The following FANCA variants were observed in gnomAD, a reference collection of about 807,000 sequenced individuals.
FANCA encodes Fanconi anemia group A protein.
FANCA carries 236 observed loss-of-function variants against 194.3 expected under a neutral mutation model. That is an observed-to-expected ratio of 1.21 (90% confidence interval 1.09 to 1.35). FANCA has a LOEUF of 1.35. Ranked by LOEUF, FANCA falls within the 40% of genes most tolerant of loss-of-function variation. The pLI is 0.00. For missense variants in FANCA, 2,628 were observed against 1,813.9 expected, an observed-to-expected ratio of 1.45 and a Z score of -8.15; for synonymous variants, 1,014 against 715.8, an observed-to-expected ratio of 1.42 and a Z score of -6.65.
At chr16:89,740,767 T>A (rs1241081077) in intron 38 of FANCA, 37 bp downstream of exon 38, 1 of 1,596,682 alleles carries the variant, frequency 6.3e-7, no homozygotes, top group Non-Finnish European at 8.6e-7. Flanking sequence ...TGGCCCACAG[T>A]GGGAGAGGAC....
chr16:89,739,568 A>G lies in FANCA; in HGVS notation c.3935-15T>C, dbSNP rs1284470221. ...CAGCCTGAGGTCTGCAACACCAAGA[A>G]GTGGCTCAGGCAACTCTGGACATCT... On this transcript the variant is annotated splice_polypyrimidine_tract_variant and intron_variant, in intron 39 of 42. Coordinates refer to ENST00000389301, the MANE Select transcript of FANCA (RefSeq NM_000135.4). The G allele has an allele frequency of 7.7e-6, 12 of 1,550,786 alleles. No individual in the cohort carries two copies. The East Asian group carries it at 2.2e-4, about 28-fold the overall frequency.
chr16:89,778,463 C>CT, intron 20 of FANCA: 1 of 240,954 alleles, frequency 4.2e-6, no homozygotes, highest in Non-Finnish European at 7.1e-6. Flanking sequence ...GAGACTCCAT[C>CT]TAAAAAAAAA....
In FANCA at chr16:89,782,855, T is replaced by A; in HGVS notation, c.1626+4A>T. ...GAGACCCTGCAGGGCTCAAGCAACA[T>A]TACCTCAGTAATGTCCCCAGCTGAT... On this transcript the variant is annotated splice_donor_region_variant and intron_variant, in intron 17 of 42. Coordinates refer to ENST00000389301, the MANE Select transcript of FANCA (RefSeq NM_000135.4). 1 of 1,613,624 alleles carries A rather than the reference T, an allele frequency of 6.2e-7. No homozygotes were observed. The highest frequency in any genetic ancestry group is 8.5e-7 in the Non-Finnish European group (1 of 1,179,512).
chr16:89,763,471 C>T (rs1294229673), intron 28 of FANCA, among the ~76,000 whole-genome samples: 2 of 151,858 alleles, frequency 1.3e-5, no homozygotes, highest in African/African-American at 4.8e-5. Context: ...CCACTGTGCC[C>T]AGCCACCTTG....
rs757531036 is a variant in FANCA, at chr16:89,811,085, C to A, written c.284-14G>T. 60 of 1,613,888 alleles carry A rather than the reference C, an allele frequency of 3.7e-5. No individual in the cohort carries two copies. The highest frequency in any genetic ancestry group is 5.0e-5 in the Non-Finnish European group (59 of 1,180,014). ...GCAAAGCAGAGCCTTAAACACAAAA[C>A]AAAACCATAGCTTTCTCTTAACACA... On this transcript the variant is annotated splice_polypyrimidine_tract_variant and intron_variant, in intron 3 of 42. Coordinates refer to ENST00000389301, the MANE Select transcript of FANCA (RefSeq NM_000135.4).
intron 6 of FANCA, among the ~76,000 whole-genome samples, chr16:89,807,840 G>A (rs961403251): frequency 1.7e-4 from 25 of 151,180 alleles, no homozygotes; most frequent in African/African-American, 4.1e-4. Flanking sequence ...CCGACATCAC[G>A]TCACTGCACT....
At chr16:89,806,860 T>A (rs1175563327) in intron 6 of FANCA, among the ~76,000 whole-genome samples, 1 of 152,168 alleles carries the variant, frequency 6.6e-6, no homozygotes, top group African/African-American at 2.4e-5. Context: ...CAATGAGCTG[T>A]TGGGTACACC....
chr16:89,812,439 G>A (rs1204594881), intron 3 of FANCA, among the ~76,000 whole-genome samples: 1 of 151,630 alleles, frequency 6.6e-6, no homozygotes, highest in Non-Finnish European at 1.5e-5. Flanking sequence ...CTGAGGTCGG[G>A]AGTTTGAGAC....
intron 30 of FANCA, among the ~76,000 whole-genome samples, chr16:89,752,768 G>T (rs1203351793): frequency 6.6e-6 from 1 of 152,200 alleles, no homozygotes; most frequent in African/African-American, 2.4e-5. Context: ...AGGGCTCCTT[G>T]GTCTAGCGGT....
chr16:89,761,795 T>C (rs138360775), intron 29 of FANCA, among the ~76,000 whole-genome samples, 154 bp downstream of exon 29: 2 of 152,286 alleles, frequency 1.3e-5, no homozygotes, highest in African/African-American at 4.8e-5. Flanking sequence ...GCTAATTTCT[T>C]TTCTATTTTT....
At chr16:89,782,353 T>C (rs2039747428) in intron 17 of FANCA, among the ~76,000 whole-genome samples, 1 of 148,870 alleles carries the variant, frequency 6.7e-6, no homozygotes, top group South Asian at 2.1e-4. Flanking sequence ...CTATTAAAAA[T>C]ACAAAAAAAT....
chr16:89,766,319 G>C (rs1355614760), intron 27 of FANCA, among the ~76,000 whole-genome samples: 1 of 152,008 alleles, frequency 6.6e-6, no homozygotes, highest in East Asian at 1.9e-4. Flanking sequence ...TTATACACGA[G>C]ACGTTCATTA....
At chr16:89,790,144 G>A (rs1230475127) in intron 14 of FANCA, among the ~76,000 whole-genome samples, 5 of 152,208 alleles carry the variant, frequency 3.3e-5, no homozygotes, top group African/African-American at 1.2e-4. Flanking sequence ...GCTCATGCCT[G>A]TAATCCCTGC....
In FANCA at chr16:89,810,690, T is replaced by C; in HGVS notation, c.522+17A>G. 2.0e-6 allele frequency: 3 copies of C among 1,501,112 alleles called. No individual in the cohort carries two copies. The highest frequency in any genetic ancestry group is 2.8e-6 in the Non-Finnish European group (3 of 1,077,728). The allele number at this position is 1,501,112 out of a possible 1,614,324, so 93.0% of individuals were successfully genotyped here. ...GCCTGGAACACTGGAGAGTCAGATT[T>C]GCAATCTCAAATTTACCTGTATTTT... On this transcript the variant is annotated intron_variant, in intron 5 of 42. Transcript: ENST00000389301.
chr16:89,762,421 C>G (rs1379846966), intron 28 of FANCA, among the ~76,000 whole-genome samples: 3 of 151,754 alleles, frequency 2.0e-5, no homozygotes, highest in Admixed American at 6.6e-5. Context: ...TGGTGACACC[C>G]CGTCTCTACA....
At chr16:89,796,565 G>C (rs1471529219) in intron 10 of FANCA, among the ~76,000 whole-genome samples, 3 of 152,316 alleles carry the variant, frequency 2.0e-5, no homozygotes, top group Admixed American at 6.5e-5. Context: ...ATGTTCTGGG[G>C]GTGAATGGGG....
chr16:89,791,387 T>A lies in FANCA; in HGVS notation c.1359+16A>T, dbSNP rs200016746. On this transcript the variant is annotated intron_variant, in intron 14 of 42. Transcript: ENST00000389301. ...GGAAGATCAGGTATTAGGTAGCCGA[T>A]TGGCAGGTCACTTACCTTGAACCAG... 2 of 1,613,330 alleles carry A rather than the reference T, an allele frequency of 1.2e-6. No homozygotes were observed. The highest frequency in any genetic ancestry group is 1.1e-5 in the South Asian group (1 of 90,934).
At chr16:89,757,149 T>A (rs2038794123) in intron 30 of FANCA, among the ~76,000 whole-genome samples, 1 of 152,154 alleles carries the variant, frequency 6.6e-6, no homozygotes, top group South Asian at 2.1e-4. Flanking sequence ...CTAATTTTTT[T>A]TTTTGTCTAG....
chr16:89,774,425 G>A (rs2039424819), intron 21 of FANCA, among the ~76,000 whole-genome samples: 1 of 152,078 alleles, frequency 6.6e-6, no homozygotes, highest in Non-Finnish European at 1.5e-5. Context: ...GCACAACTGA[G>A]AGGTCATGCT....
Sources: gnomAD v4.1 joint callset for allele counts (sites outside exome capture counted in the v4.1 genomes callset) on GRCh38, gnomAD v4.1.1 for gene constraint, MANE v1.5 for transcripts, NCBI Gene and HGNC (gene_info 2026-07-23, HGNC 2026-07-21) for gene names.